The following NECTIN3 variants were observed in gnomAD, a reference collection of about 807,000 sequenced individuals.
The protein encoded by NECTIN3 is nectin cell adhesion molecule 3.
In NECTIN3, 8 loss-of-function variants were observed where a neutral mutation model predicts 49.4. The observed-to-expected ratio is 0.16, with a 90% CI of 0.10 to 0.29. The LOEUF is 0.29. Ranked by LOEUF, NECTIN3 falls within the 10% of genes least tolerant of loss-of-function variation. The pLI is 1.00. For missense variants in NECTIN3, 581 were observed against 654.6 expected, an observed-to-expected ratio of 0.89 and a Z score of 1.23; for synonymous variants, 277 against 241.1, an observed-to-expected ratio of 1.15 and a Z score of -1.38.
Position 111,136,819 on chromosome 3 carries a change from A to C in NECTIN3, c.*2604A>C. The stretch of plus-strand genomic sequence containing the variant: ...ATATTTCAATGATATAATGAAGATG[A>C]ATGCAACTCTTATTTTTCTGCCATT... On this transcript the variant is annotated 3_prime_UTR_variant, in exon 6 of 6. Coordinates refer to ENST00000485303, the MANE Select transcript of NECTIN3 (RefSeq NM_015480.3). 1.1e-6 allele frequency: 1 copy of C among 952,226 alleles called. No homozygotes were observed. Among genetic ancestry groups the C allele is most frequent in the Non-Finnish European group, 1.3e-6 (1 of 799,872 alleles). The allele number at this position is 952,226 out of a possible 1,614,324, so 59.0% of individuals were successfully genotyped here. A position where few individuals can be genotyped will look rare whatever the true frequency, so the allele number is the denominator to read the frequency against.
At chr3:111,193,568 C>A (rs1226318431) in intron 1 of NECTIN3, 2 of 626,734 alleles carry the variant, frequency 3.2e-6, no homozygotes, top group Middle Eastern at 4.4e-4. Context: ...TCTTAACCAC[C>A]AGCTGTGTTT....
At chr3:111,150,616 G>C (rs1239716168) in intron 7 of NECTIN3, among the ~76,000 whole-genome samples, 1 of 151,780 alleles carries the variant, frequency 6.6e-6, no homozygotes, top group East Asian at 1.9e-4. Flanking sequence ...ACTACCACTT[G>C]TAACATTTTA....
At chr3:111,086,360 C>G (rs1165906199) in intron 1 of NECTIN3, among the ~76,000 whole-genome samples, 2 of 152,088 alleles carry the variant, frequency 1.3e-5, no homozygotes, top group Non-Finnish European at 2.9e-5. Flanking sequence ...AAATCTTTCT[C>G]TAGTACACCA....
intron 1 of NECTIN3, among the ~76,000 whole-genome samples, chr3:111,105,290 T>C (rs2033129454): frequency 6.6e-6 from 1 of 151,864 alleles, no homozygotes. Flanking sequence ...TGAGCCACCA[T>C]GCCTGGCTAA....
intron 4 of NECTIN3, among the ~76,000 whole-genome samples, chr3:111,125,172 G>T (rs2034114280): frequency 6.6e-6 from 1 of 151,340 alleles, no homozygotes; most frequent in Non-Finnish European, 1.5e-5. Context: ...GGGATTACAG[G>T]CACCCGCCAC....
chr3:111,076,039 C>T (rs891177011), intron 1 of NECTIN3, among the ~76,000 whole-genome samples: 5 of 152,040 alleles, frequency 3.3e-5, no homozygotes, highest in African/African-American at 1.2e-4. Context: ...TCAAATCTTC[C>T]TTTCTTGCAG....
intron 4 of NECTIN3, among the ~76,000 whole-genome samples, chr3:111,125,139 C>T (rs2034112970): frequency 6.7e-6 from 1 of 149,914 alleles, no homozygotes; most frequent in Admixed American, 6.7e-5. Context: ...AGTGATTCTC[C>T]TGCCTCAGCA....
chr3:111,102,480 T>C (rs532869216), intron 1 of NECTIN3, among the ~76,000 whole-genome samples: 1 of 152,376 alleles, frequency 6.6e-6, no homozygotes, highest in East Asian at 1.9e-4. Flanking sequence ...GCATGCCTGG[T>C]AAAATGTCCA....
intron 1 of NECTIN3, among the ~76,000 whole-genome samples, chr3:111,082,660 G>T (rs1465723848): frequency 6.6e-6 from 1 of 152,210 alleles, no homozygotes; most frequent in African/African-American, 2.4e-5. Context: ...GACTGGTTTT[G>T]TGGAAGACAG....
At chr3:111,170,851 G>A (rs1228856649) in intron 7 of NECTIN3, among the ~76,000 whole-genome samples, 1 of 152,172 alleles carries the variant, frequency 6.6e-6, no homozygotes, top group Admixed American at 6.5e-5. Flanking sequence ...GAAGTGGACA[G>A]ATGGGCCTTG....
intron 7 of NECTIN3, among the ~76,000 whole-genome samples, chr3:111,154,751 A>AT (rs2035065222): frequency 6.6e-6 from 1 of 151,912 alleles, no homozygotes; most frequent in Admixed American, 6.6e-5. Flanking sequence ...TATGTAGAAC[A>AT]TTTTTTCATT....
intron 7 of NECTIN3, among the ~76,000 whole-genome samples, chr3:111,152,134 G>A (rs963394879): frequency 6.6e-6 from 1 of 151,818 alleles, no homozygotes; most frequent in African/African-American, 2.4e-5. Context: ...TGTAATGCGT[G>A]TATATTACAT....
downstream of NECTIN3, among the ~76,000 whole-genome samples, chr3:111,137,907 G>T (rs1239855985): frequency 6.6e-6 from 1 of 150,554 alleles, no homozygotes; most frequent in East Asian, 1.9e-4. Flanking sequence ...ATTAAGCCCA[G>T]CATGCATTAA....
downstream of NECTIN3, among the ~76,000 whole-genome samples, chr3:111,138,837 A>G (rs1460999582): frequency 1.3e-5 from 2 of 151,674 alleles, no homozygotes; most frequent in Admixed American, 6.6e-5. Context: ...ATATTGCTAC[A>G]TAGACATGAT....
intron 5 of NECTIN3, chr3:111,144,827 G>A: frequency 1.4e-6 from 2 of 1,448,942 alleles, no homozygotes; most frequent in Non-Finnish European, 1.8e-6. Flanking sequence ...TTTGCACATT[G>A]TAGAAAAGGT....
intron 1 of NECTIN3, among the ~76,000 whole-genome samples, chr3:111,097,552 A>G (rs2032661894): frequency 6.6e-6 from 1 of 152,110 alleles, no homozygotes; most frequent in African/African-American, 2.4e-5. Context: ...TTCAATTCCC[A>G]CATGTTGTGG....
At chr3:111,145,121 GAACTT>G in intron 6 of NECTIN3, 1 of 1,385,440 alleles carries the variant, frequency 7.2e-7, no homozygotes. Flanking sequence ...TCCTCATAAA[GAACTT>G]AAGGGATAGA....
chr3:111,177,505 A>C lies in NECTIN3; in HGVS notation c.1222-14846A>C, dbSNP rs2035553109. 2.0e-5 allele frequency among the ~76,000 whole-genome samples: 3 copies of C among 152,122 alleles called. No individual in the cohort carries two copies. In the South Asian group the frequency reaches 6.2e-4, roughly 31 times the overall value. ...AGCTTCTCTGAGAACACATCTTTTA[A>C]GATGTGTATTTTTTAAGATACTGTG... On this transcript the variant is annotated intron_variant, in intron 7 of 8. Coordinates refer to the NECTIN3 transcript ENST00000493615.
intron 5 of NECTIN3, among the ~76,000 whole-genome samples, chr3:111,128,941 C>T (rs1004107925): frequency 1.3e-5 from 2 of 152,198 alleles, no homozygotes; most frequent in Non-Finnish European, 2.9e-5. Context: ...CTTCCATGGG[C>T]TTCCCATTTT....
Sources: allele counts gnomAD v4.1 joint callset (sites outside exome capture counted in the v4.1 genomes callset), GRCh38; gene constraint gnomAD v4.1.1; transcripts MANE v1.5; gene names NCBI Gene and HGNC (gene_info 2026-07-23, HGNC 2026-07-21).